The following PLA2G2C variants were observed in gnomAD, a reference collection of about 807,000 sequenced individuals.
The protein encoded by PLA2G2C is putative inactive group IIC secretory phospholipase A2.
Under a neutral mutation model 14.3 loss-of-function variants are expected in PLA2G2C, and 15 were observed. The ratio of observed to expected loss-of-function variants is 1.05; its 90% CI spans 0.70 to 1.62. The LOEUF (loss-of-function observed/expected upper bound fraction) is 1.62. Ranked by LOEUF, PLA2G2C falls within the 40% of genes most tolerant of loss-of-function variation. PLA2G2C has a pLI of 0.00. For missense variants in PLA2G2C, 162 were observed against 173.2 expected, an observed-to-expected ratio of 0.94 and a Z score of 0.36; for synonymous variants, 79 against 67.7, an observed-to-expected ratio of 1.17 and a Z score of -0.82.
chr1:20,183,425 G>A (rs923862090), intron 1 of PLA2G2C, among the ~76,000 whole-genome samples: 3 of 152,180 alleles, frequency 2.0e-5, no homozygotes, highest in Non-Finnish European at 4.4e-5. Context: ...GGGGTCCAGG[G>A]TGGGCTTTGG....
rs1032710384 is a variant in PLA2G2C, at chr1:20,163,259, G to T, written c.*732C>A. ...CAGGTGGGCTCTCATCCTCCAGCAG[G>T]CTAGCCCAGGCTTTTTTGCAGGGTG... On this transcript the variant is annotated 3_prime_UTR_variant, in exon 5 of 5. Transcript: ENST00000679259. The T allele has an allele frequency of 3.9e-5, 6 of 152,234 alleles. No homozygotes were observed. Among genetic ancestry groups the T allele is most frequent in the African/African-American group, 1.4e-4 (6 of 41,448 alleles). 9.4% of individuals were successfully genotyped at this position (152,234 alleles called of 1,614,324 possible).
chr1:20,183,353 C>T lies in PLA2G2C; in HGVS notation c.-77+3007G>A, dbSNP rs549347805. The stretch of plus-strand genomic sequence containing the variant: ...CCTGCAGTCCCCACGACCAGTGCAA[C>T]GGACAGCACAGATAAGGGCCATGGG... On this transcript the variant is annotated intron_variant, in intron 1 of 4. Coordinates refer to ENST00000679259, the MANE Select transcript of PLA2G2C (RefSeq NM_001367969.2). 5.3e-5 allele frequency among the ~76,000 whole-genome samples: 8 copies of T among 152,310 alleles called. No homozygotes were observed. The South Asian group carries it at 1.2e-3, about 24-fold the overall frequency.
intron 4 of PLA2G2C, among the ~76,000 whole-genome samples, chr1:20,169,001 C>T (rs1032362085): frequency 6.6e-6 from 1 of 151,956 alleles, no homozygotes; most frequent in East Asian, 1.9e-4. Context: ...TTGTTTTCTT[C>T]CTCTCCCTCC....
intron 1 of PLA2G2C, among the ~76,000 whole-genome samples, chr1:20,179,671 CTA>C (rs548981492): frequency 1.3e-3 from 182 of 143,992 alleles, no homozygotes; most frequent in African/African-American, 4.6e-3. Flanking sequence ...GCTTCTCCCT[CTA>C]TGTCAGTTTC....
chr1:20,178,726 G>A (rs192407474), intron 1 of PLA2G2C, among the ~76,000 whole-genome samples: 1 of 152,224 alleles, frequency 6.6e-6, no homozygotes, highest in African/African-American at 2.4e-5. Flanking sequence ...AAAGGGACCT[G>A]GGTGCATTAC....
chr1:20,170,626 G>T (rs1353362677), intron 4 of PLA2G2C, among the ~76,000 whole-genome samples: 2 of 152,152 alleles, frequency 1.3e-5, no homozygotes, highest in Non-Finnish European at 2.9e-5. Context: ...TGCTCCTGGG[G>T]GCAGGGGCTT....
chr1:20,177,160 G>GA (rs530133481), intron 2 of PLA2G2C, among the ~76,000 whole-genome samples, 164 bp downstream of exon 2: 15 of 152,172 alleles, frequency 9.9e-5, no homozygotes, highest in Admixed American at 5.9e-4. Context: ...TTTTATAGCA[G>GA]AAACAGAAGC....
At chr1:20,166,387 G>A (rs2017980339) in intron 4 of PLA2G2C, among the ~76,000 whole-genome samples, 2 of 152,146 alleles carry the variant, frequency 1.3e-5, no homozygotes, top group South Asian at 2.1e-4. Flanking sequence ...CACTCCCACT[G>A]TTCTAGCGCC....
intron 4 of PLA2G2C, among the ~76,000 whole-genome samples, chr1:20,168,268 C>G (rs541210092): frequency 6.6e-6 from 1 of 152,212 alleles, no homozygotes; most frequent in Non-Finnish European, 1.5e-5. Context: ...TTCATGAGTG[C>G]TTTTGTTCAT....
At position 20,164,066 on chromosome 1, in the gene PLA2G2C, G is replaced by T. The variant is rs2100709129; in HGVS notation, c.375C>A (p.Ser125Arg). ...TGAAGTTTTTCTCATAGGTGGGCAGGCTCTCTTTGAAGCAGTGCACGGATT... is the reference window on the plus strand; with the variant it reads ...TGAAGTTTTTCTCATAGGTGGGCAGTCTCTCTTTGAAGCAGTGCACGGATT... ...DKQSVHCFKE[S>R]LPTYEKNFKQ... Residue 125 changes from serine to arginine, a missense_variant, in exon 5 of 5, where the codon AGC (serine) becomes AGA (arginine). By Grantham distance (110) the Ser-to-Arg change is moderately radical. Transcript: ENST00000679259. 2 of 1,613,864 alleles carry T rather than the reference G, an allele frequency of 1.2e-6. No individual in the cohort carries two copies. The highest frequency in any genetic ancestry group is 4.5e-5 in the East Asian group (2 of 44,852).
At position 20,165,932 on chromosome 1, in the gene PLA2G2C, C is replaced by T. The variant is rs79861896; in HGVS notation, c.284-1775G>A. On this transcript the variant is annotated intron_variant, in intron 4 of 4. Transcript: ENST00000679259. ...GCAGTGAGGAGGGGAGGCCACCAGA[C>T]GCCCGGTTTATGACCTTGGGCAAGT... Among the ~76,000 whole-genome samples, 371 of 152,314 alleles carry T rather than the reference C, an allele frequency of 2.4e-3. 2 individuals carry two copies. Among genetic ancestry groups the T allele is most frequent in the African/African-American group, 8.1e-3 (338 of 41,556 alleles).
intron 4 of PLA2G2C, among the ~76,000 whole-genome samples, chr1:20,172,435 G>A (rs1435607645): frequency 6.6e-6 from 1 of 152,190 alleles, no homozygotes; most frequent in African/African-American, 2.4e-5. Context: ...CTGGAAGACA[G>A]CTGAGCCGTT....
chr1:20,170,208 A>G (rs1438667749), intron 4 of PLA2G2C, among the ~76,000 whole-genome samples: 1 of 152,208 alleles, frequency 6.6e-6, no homozygotes, highest in African/African-American at 2.4e-5. Flanking sequence ...TTGTTATTGT[A>G]CCCATTTCAT....
intron 4 of PLA2G2C, among the ~76,000 whole-genome samples, chr1:20,165,712 CTGTGTGCATGTGTATGCT>C (rs1158356382): frequency 6.8e-6 from 1 of 147,492 alleles, no homozygotes; most frequent in Non-Finnish European, 1.5e-5. Context: ...ATGCGTGTGC[CTGTGTGCATGTGTATGCT>C]TGTGTGTGCA....
At chr1:20,166,395 G>A (rs575683107) in intron 4 of PLA2G2C, among the ~76,000 whole-genome samples, 4 of 152,074 alleles carry the variant, frequency 2.6e-5, no homozygotes, top group Admixed American at 6.6e-5. Flanking sequence ...CTGTTCTAGC[G>A]CCTGGGTGCC....
intron 4 of PLA2G2C, among the ~76,000 whole-genome samples, chr1:20,169,943 T>G (rs1369936144): frequency 6.6e-6 from 1 of 152,186 alleles, no homozygotes; most frequent in Non-Finnish European, 1.5e-5. Flanking sequence ...TCCTGAGACT[T>G]ACACTGTGTG....
chr1:20,173,874 A>G (rs1348014198), intron 3 of PLA2G2C, among the ~76,000 whole-genome samples: 1 of 152,200 alleles, frequency 6.6e-6, no homozygotes, highest in Admixed American at 6.5e-5. Context: ...TCAATTTCTA[A>G]TCAGCCTTTG....
chr1:20,182,100 G>C (rs142810559), intron 1 of PLA2G2C, among the ~76,000 whole-genome samples: 2 of 152,248 alleles, frequency 1.3e-5, no homozygotes, highest in Non-Finnish European at 2.9e-5. Flanking sequence ...TGTTTGATGT[G>C]TTCTGCTTAA....
At chr1:20,178,672 C>G (rs1279631432) in intron 1 of PLA2G2C, among the ~76,000 whole-genome samples, 1 of 152,160 alleles carries the variant, frequency 6.6e-6, no homozygotes, top group Admixed American at 6.5e-5. Flanking sequence ...AAAAGGGGCT[C>G]AGTTCTTTTG....
Sources: gnomAD v4.1 joint callset for allele counts (sites outside exome capture counted in the v4.1 genomes callset) on GRCh38, gnomAD v4.1.1 for gene constraint, MANE v1.5 for transcripts, NCBI Gene and HGNC (gene_info 2026-07-23, HGNC 2026-07-21) for gene names.